The following PXDNL variants were observed in gnomAD, a reference collection of about 807,000 sequenced individuals.
PXDNL encodes the protein peroxidasin like.
A neutral mutation model predicts 150.8 loss-of-function variants in PXDNL; 145 were observed. That is an observed-to-expected ratio of 0.96 (90% CI 0.84 to 1.10). PXDNL has a LOEUF of 1.10. Among genes scored for constraint, PXDNL ranks in the 50% least tolerant of loss-of-function variants. PXDNL has a pLI of 0.00. For synonymous variants in PXDNL, 757 were observed against 725.7 expected (o/e 1.04, Z -0.69); for missense variants, 2,087 against 1,873.9 (o/e 1.11, Z -2.10).
chr8:51,754,752 C>G (rs1190056121), intron 1 of PXDNL, among the ~76,000 whole-genome samples: 1 of 152,148 alleles, frequency 6.6e-6, no homozygotes, highest in South Asian at 2.1e-4. Flanking sequence ...ATCTGCCCAT[C>G]TTGCCCTCCC....
intron 2 of PXDNL, among the ~76,000 whole-genome samples, chr8:51,615,302 G>C (rs574842244): frequency 1.7e-4 from 25 of 144,288 alleles, no homozygotes; most frequent in Non-Finnish European, 3.7e-4. Flanking sequence ...AAGCTGACTT[G>C]TTTTTTTTTT....
chr8:51,568,497 G>T (rs1409042807), intron 3 of PXDNL, among the ~76,000 whole-genome samples: 1 of 151,748 alleles, frequency 6.6e-6, no homozygotes, highest in Non-Finnish European at 1.5e-5. Flanking sequence ...TCCTATACAG[G>T]TAAGGTGTTT....
At chr8:51,380,945 A>T (rs1563383565) in intron 17 of PXDNL, among the ~76,000 whole-genome samples, 1 of 152,152 alleles carries the variant, frequency 6.6e-6, no homozygotes, top group Non-Finnish European at 1.5e-5. Context: ...ACACTTTAAA[A>T]ATCTTGGACT....
At chr8:51,746,095 C>A (rs1264481992) in intron 1 of PXDNL, among the ~76,000 whole-genome samples, 4 of 151,166 alleles carry the variant, frequency 2.6e-5, no homozygotes, top group African/African-American at 9.9e-5. Context: ...TTCCATAGAT[C>A]TTTAGCAAGA....
At chr8:51,672,721 T>C (rs955330551) in intron 1 of PXDNL, among the ~76,000 whole-genome samples, 3 of 152,280 alleles carry the variant, frequency 2.0e-5, no homozygotes, top group Middle Eastern at 3.4e-3. Flanking sequence ...TTAATTTATA[T>C]TATAAATTAG....
At chr8:51,673,806 A>G (rs933524185) in intron 1 of PXDNL, among the ~76,000 whole-genome samples, 3 of 152,240 alleles carry the variant, frequency 2.0e-5, no homozygotes, top group Admixed American at 2.0e-4. Context: ...ACAGAAAAAC[A>G]TCAGGCCTTC....
intron 1 of PXDNL, among the ~76,000 whole-genome samples, chr8:51,762,375 TC>T (rs966914795): frequency 1.3e-5 from 2 of 152,176 alleles, no homozygotes; most frequent in Admixed American, 6.5e-5. Context: ...ATTCCTTCCT[TC>T]CTTCCTAGAT....
chr8:51,751,609 T>C (rs1370304442), intron 1 of PXDNL, among the ~76,000 whole-genome samples: 3 of 152,188 alleles, frequency 2.0e-5, no homozygotes, highest in African/African-American at 7.2e-5. Context: ...TGCATTAGAA[T>C]ATTTGGTCTC....
intron 19 of PXDNL, among the ~76,000 whole-genome samples, chr8:51,364,741 G>A (rs1806863366): frequency 6.6e-6 from 1 of 152,112 alleles, no homozygotes; most frequent in South Asian, 2.1e-4. Context: ...TACATCATAG[G>A]TTAAAGAGAA....
chr8:51,474,950 G>A (rs1810438394), intron 7 of PXDNL, 22 bp downstream of exon 7: 2 of 1,557,686 alleles, frequency 1.3e-6, no homozygotes, highest in Non-Finnish European at 1.7e-6. Context: ...TCTATCTTAT[G>A]TACACATTGA....
chr8:51,578,641 G>A (rs1813141020), intron 3 of PXDNL, among the ~76,000 whole-genome samples: 2 of 151,596 alleles, frequency 1.3e-5, no homozygotes, highest in African/African-American at 4.8e-5. Flanking sequence ...TAATGGAAAG[G>A]CAAAGAATCT....
intron 17 of PXDNL, among the ~76,000 whole-genome samples, chr8:51,379,867 C>A (rs3097699): frequency 0.59 from 89,330 of 151,912 alleles, 30,513 homozygotes; most frequent in Non-Finnish European, 0.74. Flanking sequence ...ATTTTTAATC[C>A]AAGGGTAGCC....
chr8:51,710,876 C>T (rs1340392385), intron 1 of PXDNL, among the ~76,000 whole-genome samples: 4 of 152,120 alleles, frequency 2.6e-5, no homozygotes, highest in African/African-American at 9.7e-5. Context: ...GACCTCAACA[C>T]AAAAAAGGCC....
At chr8:51,400,622 C>T (rs1451898756) in intron 17 of PXDNL, among the ~76,000 whole-genome samples, 1 of 152,098 alleles carries the variant, frequency 6.6e-6, no homozygotes, top group Non-Finnish European at 1.5e-5. Flanking sequence ...TTTAATATGG[C>T]CTTGTCACTT....
chr8:51,611,819 A>G (rs987370692), intron 2 of PXDNL, among the ~76,000 whole-genome samples: 4 of 151,796 alleles, frequency 2.6e-5, no homozygotes, highest in African/African-American at 9.7e-5. Flanking sequence ...TTTCCCAGGA[A>G]GGAGCACGGC....
chr8:51,465,595 G>C (rs1052356520), intron 8 of PXDNL, among the ~76,000 whole-genome samples: 1 of 151,998 alleles, frequency 6.6e-6, no homozygotes, highest in Non-Finnish European at 1.5e-5. Flanking sequence ...CATCCAAATA[G>C]AAGAAAAGTC....
chr8:51,378,737 C>A (rs903232606), intron 17 of PXDNL, among the ~76,000 whole-genome samples: 1 of 149,316 alleles, frequency 6.7e-6, no homozygotes, highest in African/African-American at 2.6e-5. Flanking sequence ...ACGGGAGGAA[C>A]GAACAACTCC....
intron 1 of PXDNL, among the ~76,000 whole-genome samples, chr8:51,681,336 C>G (rs1413620632): frequency 6.6e-6 from 1 of 152,218 alleles, no homozygotes; most frequent in South Asian, 2.1e-4. Flanking sequence ...ACTCCACCCC[C>G]ACCTTGCCTA....
At chr8:51,609,415 C>G (rs901229452) in intron 2 of PXDNL, among the ~76,000 whole-genome samples, 10 of 152,144 alleles carry the variant, frequency 6.6e-5, no homozygotes, top group Non-Finnish European at 1.2e-4. Flanking sequence ...TGTCCTCTAT[C>G]CCGGGGTCCT....
Sources: allele counts gnomAD v4.1 joint callset (sites outside exome capture counted in the v4.1 genomes callset), GRCh38; gene constraint gnomAD v4.1.1; transcripts MANE v1.5; gene names NCBI Gene and HGNC (gene_info 2026-07-23, HGNC 2026-07-21).